RANBP2: variants seen among roughly 807,000 people sequenced by gnomAD.
RANBP2 encodes the protein RAN binding protein 2.
A neutral mutation model predicts 303.6 loss-of-function variants in RANBP2; 57 were observed. The observed-to-expected ratio is 0.19, with a 90% CI of 0.15 to 0.23. The LOEUF is 0.23. Ranked by LOEUF, RANBP2 falls within the 10% of genes least tolerant of loss-of-function variation. The pLI, the probability that RANBP2 is intolerant of heterozygous loss-of-function variation, is 1.00. For missense variants in RANBP2, 3,138 were observed against 3,780.8 expected (o/e 0.83, Z 4.46); for synonymous variants, 1,167 against 1,301.5 (o/e 0.90, Z 2.23).
the RANBP2 span, chr2:108,798,330 G>C: frequency 1.4e-6 from 2 of 1,395,222 alleles, no homozygotes; most frequent in African/African-American, 2.9e-5. Context: ...CTGTATTCCT[G>C]AAAACCACTT....
the RANBP2 span, among the ~76,000 whole-genome samples, chr2:109,034,162 C>T: frequency 4.8e-5 from 7 of 144,572 alleles, no homozygotes; most frequent in Non-Finnish European, 7.5e-5. Flanking sequence ...CCCAGCTACT[C>T]GGGAGGCTGA....
the RANBP2 span, among the ~76,000 whole-genome samples, chr2:109,567,656 A>G: frequency 1.3e-5 from 2 of 152,260 alleles, no homozygotes; most frequent in African/African-American, 2.4e-5. Flanking sequence ...TCCAACTTAA[A>G]AAACTAAACA....
At chr2:108,752,321 C>T (rs1444503013) in intron 12 of RANBP2, among the ~76,000 whole-genome samples, 8 of 151,856 alleles carry the variant, frequency 5.3e-5, no homozygotes, top group African/African-American at 9.7e-5. Flanking sequence ...TTTCTATATA[C>T]TTAAGGTGTG....
At chr2:108,954,692 C>T in the RANBP2 span, among the ~76,000 whole-genome samples, 45,594 of 147,694 alleles carry the variant, frequency 0.31, 10,682 homozygotes, top group East Asian at 0.95. Flanking sequence ...TTTTTTTTTT[C>T]TGAGACAGAG....
At chr2:109,484,207 C>G in the RANBP2 span, among the ~76,000 whole-genome samples, 7 of 152,190 alleles carry the variant, frequency 4.6e-5, no homozygotes, top group South Asian at 1.2e-3. Flanking sequence ...GCTGGGATTA[C>G]AGGCGCTTGC....
downstream of RANBP2, among the ~76,000 whole-genome samples, chr2:108,789,374 C>CCT (rs1679524725): frequency 1.3e-5 from 2 of 152,188 alleles, no homozygotes; most frequent in South Asian, 4.1e-4. Context: ...GGGTGGATCA[C>CCT]CTGAGGTCAG....
At chr2:108,991,132 G>GT in the RANBP2 span, among the ~76,000 whole-genome samples, 2 of 152,128 alleles carry the variant, frequency 1.3e-5, no homozygotes, top group Non-Finnish European at 2.9e-5. Flanking sequence ...AGCCAAGGGA[G>GT]TTTTTTCCTC....
rs374402161 is a variant in RANBP2, at chr2:108,750,005, C to T, written c.1273+876C>T. 2.7e-3 allele frequency among the ~76,000 whole-genome samples: 408 copies of T among 152,248 alleles called. 4 individuals are homozygous for T. The South Asian group carries it at 0.041, about 15-fold the overall frequency. Reference sequence around the variant, plus strand: ...TCTCTACTAAAAATACAAAAATTATCCGGGGGTGGTGGCATGTGCCTGTAG... The same window carrying T: ...TCTCTACTAAAAATACAAAAATTATTCGGGGGTGGTGGCATGTGCCTGTAG... On this transcript the variant is annotated intron_variant, in intron 9 of 28. Transcript: ENST00000283195.
intron 1 of RANBP2, among the ~76,000 whole-genome samples, chr2:108,726,230 T>C (rs969169285): frequency 1.3e-5 from 2 of 152,226 alleles, no homozygotes; most frequent in African/African-American, 4.8e-5. Flanking sequence ...GTCCGACATA[T>C]TCATGCTGTA....
At chr2:108,791,510 TGTTA>T in the RANBP2 span, 2 of 734,290 alleles carry the variant, frequency 2.7e-6, no homozygotes, top group Non-Finnish European at 2.4e-6. Flanking sequence ...GATCAGTGAC[TGTTA>T]GTTTTTACGT....
At chr2:109,078,124 T>G in the RANBP2 span, among the ~76,000 whole-genome samples, 12 of 88,616 alleles carry the variant, frequency 1.4e-4, no homozygotes, top group Non-Finnish European at 2.3e-4. Context: ...ATATAGCGTG[T>G]ATATATATAT....
the RANBP2 span, among the ~76,000 whole-genome samples, chr2:109,512,522 C>T: frequency 4.6e-5 from 7 of 152,100 alleles, no homozygotes; most frequent in African/African-American, 9.7e-5. Flanking sequence ...CAAGTCCCCT[C>T]GCTACCCTCC....
the RANBP2 span, chr2:108,883,769 A>T: frequency 6.6e-6 from 1 of 152,114 alleles, no homozygotes; most frequent in Admixed American, 6.5e-5. Flanking sequence ...GTGCTTTGTG[A>T]CTCAAGGGTC....
At chr2:109,373,242 C>T in the RANBP2 span, among the ~76,000 whole-genome samples, 1 of 152,208 alleles carries the variant, frequency 6.6e-6, no homozygotes, top group African/African-American at 2.4e-5. Context: ...ACTTAATGCG[C>T]GAATACCACT....
the RANBP2 span, among the ~76,000 whole-genome samples, chr2:109,506,461 G>A: frequency 6.6e-6 from 1 of 152,218 alleles, no homozygotes; most frequent in Non-Finnish European, 1.5e-5. Context: ...ACCTTGTGAG[G>A]ACCCTGGAGA....
At chr2:109,227,601 T>C in the RANBP2 span, among the ~76,000 whole-genome samples, 22 of 152,306 alleles carry the variant, frequency 1.4e-4, no homozygotes, top group South Asian at 4.6e-3. Context: ...ATTGTCTGTG[T>C]GTGGGAGATT....
At chr2:108,873,142 A>G in the RANBP2 span, among the ~76,000 whole-genome samples, 84 of 152,226 alleles carry the variant, frequency 5.5e-4, no homozygotes, top group African/African-American at 2.0e-3. Flanking sequence ...TTTAAACTGA[A>G]CTTATTGTTA....
chr2:109,470,363 G>C, the RANBP2 span, among the ~76,000 whole-genome samples: 1 of 152,170 alleles, frequency 6.6e-6, no homozygotes, highest in African/African-American at 2.4e-5. Flanking sequence ...ATCTTTTCCA[G>C]AGTTTTGCTG....
At chr2:108,977,649 C>T in the RANBP2 span, among the ~76,000 whole-genome samples, 1 of 152,064 alleles carries the variant, frequency 6.6e-6, no homozygotes, top group Non-Finnish European at 1.5e-5. Context: ...ATCTGGACGT[C>T]CTCCCTCCTG....
Sources: allele counts gnomAD v4.1 joint callset (sites outside exome capture counted in the v4.1 genomes callset), GRCh38; gene constraint gnomAD v4.1.1; transcripts MANE v1.5; gene names NCBI Gene and HGNC (gene_info 2026-07-23, HGNC 2026-07-21).